SACM1L: variants seen among roughly 807,000 people sequenced by gnomAD.
The protein encoded by SACM1L is SAC1 like phosphatidylinositide phosphatase.
SACM1L carries 32 observed loss-of-function variants against 89.5 expected under a neutral mutation model. That is an observed-to-expected ratio of 0.36 (90% CI 0.27 to 0.48). The LOEUF is 0.48. Ranked by LOEUF, SACM1L falls within the 20% of genes least tolerant of loss-of-function variation. The pLI, the probability that SACM1L is intolerant of heterozygous loss-of-function variation, is 0.99. For missense variants in SACM1L, 543 were observed against 708.5 expected, an observed-to-expected ratio of 0.77 and a Z score of 2.65; for synonymous variants, 213 against 232.8, an observed-to-expected ratio of 0.92 and a Z score of 0.77.
At chr3:45,690,576 G>A (rs1048009806) in intron 1 of SACM1L, among the ~76,000 whole-genome samples, 2 of 152,226 alleles carry the variant, frequency 1.3e-5, no homozygotes, top group Admixed American at 6.5e-5. Context: ...TGGAAAGTTA[G>A]AGGTGCAAAA....
intron 7 of SACM1L, among the ~76,000 whole-genome samples, chr3:45,718,383 T>C (rs17078233): frequency 0.06 from 9,063 of 151,432 alleles, 898 homozygotes; most frequent in African/African-American, 0.21. Context: ...ATGAACTGAG[T>C]GGATAGTAGT....
chr3:45,720,798 A>G (rs1321692414), intron 8 of SACM1L, among the ~76,000 whole-genome samples: 1 of 152,176 alleles, frequency 6.6e-6, no homozygotes, highest in Non-Finnish European at 1.5e-5. Context: ...TGGCTCAATA[A>G]TTTTGGCCCC....
At chr3:45,717,943 TA>T (rs1392982697) in intron 7 of SACM1L, among the ~76,000 whole-genome samples, 1 of 152,164 alleles carries the variant, frequency 6.6e-6, no homozygotes, top group Non-Finnish European at 1.5e-5. Context: ...TAATTTTTTT[TA>T]AAAAAGCAGA....
At position 45,689,496 on chromosome 3, in the gene SACM1L, C is replaced by T; in HGVS notation, c.31C>T (p.Leu11=). Reference sequence around the variant, plus strand: ...GACGGCGGCCTACGAGCAGCTGAAGCTGTGAGTCCCACGGGCCAGAGGCCT... The same window carrying T: ...GACGGCGGCCTACGAGCAGCTGAAGTTGTGAGTCCCACGGGCCAGAGGCCT... MATAAYEQLK[L]HITPEKFYVE... is the part of the protein sequence containing the mutation. Residue 11 remains leucine, a splice_region_variant and synonymous_variant, in exon 1 of 20, where the codon CTG becomes TTG. Transcript: ENST00000389061. 1 of 1,580,020 alleles carries T rather than the reference C, an allele frequency of 6.3e-7. No homozygotes were observed. The highest frequency in any genetic ancestry group is 8.6e-7 in the Non-Finnish European group (1 of 1,164,060).
At chr3:45,704,467 G>GA (rs1312087761) in intron 2 of SACM1L, among the ~76,000 whole-genome samples, 2 of 152,104 alleles carry the variant, frequency 1.3e-5, no homozygotes, top group Non-Finnish European at 2.9e-5. Context: ...GTTTTAGTTT[G>GA]ATAATTTGAC....
chr3:45,701,205 C>T (rs888659415), intron 1 of SACM1L, among the ~76,000 whole-genome samples: 1 of 151,606 alleles, frequency 6.6e-6, no homozygotes, highest in Non-Finnish European at 1.5e-5. Context: ...GTATCTGTGC[C>T]AGCCTACCAA....
rs749697037 is a variant in SACM1L at position 45,706,903 on chromosome 3, T to C, written c.329T>C (p.Ile110Thr). 10 of 1,612,862 alleles carry C rather than the reference T, an allele frequency of 6.2e-6. No individual in the cohort carries two copies. The highest frequency in any genetic ancestry group is 3.3e-5 in the Admixed American group (2 of 59,830). ...AAGACAATGTTGCACTTAACTGATATTCAGGTAAGAACTGGAAATTGTTAC... is the reference window on the plus strand; with the variant it reads ...AAGACAATGTTGCACTTAACTGATACTCAGGTAAGAACTGGAAATTGTTAC... ...YKKTMLHLTD[I>T]QLQDNKTFLA... The change falls in exon 4 of 20, where the codon ATT becomes ACT. Residue 110 changes from isoleucine to threonine, a missense_variant. Physicochemically the swap from Ile to Thr is moderately conservative, Grantham distance 89. Transcript: ENST00000389061.
intron 11 of SACM1L, among the ~76,000 whole-genome samples, chr3:45,729,293 C>T (rs1698994063): frequency 1.3e-5 from 2 of 151,814 alleles, no homozygotes; most frequent in South Asian, 2.1e-4. Flanking sequence ...TCATGTTGGC[C>T]AGGCTAGTCT....
At chr3:45,689,625 T>G in intron 1 of SACM1L, 128 bp downstream of exon 1, 10 of 1,144,628 alleles carry the variant, frequency 8.7e-6, no homozygotes, top group Non-Finnish European at 8.8e-6. Context: ...TTTACCGGTT[T>G]TCCTCAGCCG....
intron 6 of SACM1L, 28 bp downstream of exon 6, chr3:45,713,224 A>C: frequency 6.4e-7 from 1 of 1,568,478 alleles, no homozygotes; most frequent in Non-Finnish European, 8.7e-7. Context: ...AAATCTGCTT[A>C]ATTGTTACAG....
At chr3:45,733,472 G>T (rs1182809253) in intron 13 of SACM1L, among the ~76,000 whole-genome samples, 1 of 151,948 alleles carries the variant, frequency 6.6e-6, no homozygotes, top group Non-Finnish European at 1.5e-5. Flanking sequence ...GTATTCATGG[G>T]GTACGGACAC....
At chr3:45,702,629 T>C (rs1698301130) in intron 1 of SACM1L, among the ~76,000 whole-genome samples, 1 of 152,238 alleles carries the variant, frequency 6.6e-6, no homozygotes, top group Non-Finnish European at 1.5e-5. Context: ...AAACGCAGTT[T>C]TACTTTATTC....
chr3:45,724,916 G>C (rs1454826549), intron 11 of SACM1L, among the ~76,000 whole-genome samples: 1 of 152,096 alleles, frequency 6.6e-6, no homozygotes, highest in East Asian at 1.9e-4. Flanking sequence ...TGGCTATCCA[G>C]TTTTCCCAGC....
intron 11 of SACM1L, among the ~76,000 whole-genome samples, chr3:45,729,071 T>A (rs1407599518): frequency 2.6e-5 from 4 of 151,392 alleles, no homozygotes; most frequent in African/African-American, 9.7e-5. Context: ...TTTACCTTTT[T>A]GGATTTATTT....
chr3:45,716,148 A>C (rs541745780), intron 7 of SACM1L, among the ~76,000 whole-genome samples: 42 of 152,184 alleles, frequency 2.8e-4, no homozygotes, highest in Non-Finnish European at 5.6e-4. Flanking sequence ...TCAGGGCCTT[A>C]TAAGCCATGG....
intron 19 of SACM1L, 191 bp downstream of exon 19, chr3:45,739,835 GT>G (rs910393001): frequency 7.7e-5 from 47 of 608,568 alleles, no homozygotes; most frequent in Admixed American, 2.1e-4. Context: ...GATGGTTGTC[GT>G]TTTTTTTAAC....
intron 5 of SACM1L, 80 bp downstream of exon 5, chr3:45,709,727 T>G: frequency 6.2e-6 from 8 of 1,299,956 alleles, no homozygotes; most frequent in Non-Finnish European, 8.4e-6. Context: ...AAATTTATAT[T>G]GATTTTTCTC....
intron 5 of SACM1L, among the ~76,000 whole-genome samples, chr3:45,712,425 T>A (rs890774131): frequency 2.6e-5 from 4 of 152,128 alleles, no homozygotes; most frequent in Non-Finnish European, 5.9e-5. Flanking sequence ...TTTGCATCTT[T>A]AGTAGAGACA....
At chr3:45,743,263 G>A (rs982960462) in intron 19 of SACM1L, among the ~76,000 whole-genome samples, 3 of 152,146 alleles carry the variant, frequency 2.0e-5, no homozygotes, top group Non-Finnish European at 2.9e-5. Flanking sequence ...CCTCTTGATC[G>A]GTAGCATCAG....
Sources: gnomAD v4.1 joint callset for allele counts (sites outside exome capture counted in the v4.1 genomes callset) on GRCh38, gnomAD v4.1.1 for gene constraint, MANE v1.5 for transcripts, NCBI Gene and HGNC (gene_info 2026-07-23, HGNC 2026-07-21) for gene names.